Variants in NRXN1 observed in about 807,000 individuals in gnomAD.
The protein encoded by NRXN1 is neurexin 1.
In NRXN1, 39 loss-of-function variants were observed where a neutral mutation model predicts 150.9. The ratio of observed to expected loss-of-function variants is 0.26; its 90% CI spans 0.20 to 0.34. NRXN1 has a LOEUF of 0.34. Ranked by LOEUF, NRXN1 falls within the 10% of genes least tolerant of loss-of-function variation. The pLI, the probability that NRXN1 is intolerant of heterozygous loss-of-function variation, is 1.00. For synonymous variants in NRXN1, 924 were observed against 757.0 expected, an observed-to-expected ratio of 1.22 and a Z score of -3.62; for missense variants, 1,815 against 1,949.9, an observed-to-expected ratio of 0.93 and a Z score of 1.30.
At chr2:50,427,850 T>C (rs1307412397) in intron 17 of NRXN1, among the ~76,000 whole-genome samples, 1 of 152,220 alleles carries the variant, frequency 6.6e-6, no homozygotes, top group African/African-American at 2.4e-5. Context: ...TTTTGTCTTC[T>C]GCCATGTCCT....
At chr2:50,007,700 A>G (rs1330793051) in intron 21 of NRXN1, among the ~76,000 whole-genome samples, 1 of 152,108 alleles carries the variant, frequency 6.6e-6, no homozygotes, top group Admixed American at 6.6e-5. Context: ...ATACATGTGC[A>G]TGTGTCTTTT....
At chr2:50,624,156 A>C (rs1042762600) in intron 5 of NRXN1, among the ~76,000 whole-genome samples, 5 of 152,276 alleles carry the variant, frequency 3.3e-5, no homozygotes, top group African/African-American at 4.8e-5. Flanking sequence ...ATGTCCAACA[A>C]TGATAGACTG....
intron 17 of NRXN1, among the ~76,000 whole-genome samples, chr2:50,345,761 G>A (rs970982282): frequency 1.3e-5 from 2 of 152,176 alleles, no homozygotes; most frequent in Non-Finnish European, 2.9e-5. Flanking sequence ...AGGGCATTAG[G>A]AGAATAGTTT....
rs550761133 is a variant in NRXN1 at position 50,635,488 on chromosome 2, T to C, written c.833-11873A>G. ...GCGCCGAGCCAGATTAAATTCTTCTTGTCCCCTCTTTCTACCCTGCCAGTC... is the reference window on the plus strand; with the variant it reads ...GCGCCGAGCCAGATTAAATTCTTCTCGTCCCCTCTTTCTACCCTGCCAGTC... On this transcript the variant is annotated intron_variant, in intron 5 of 22. Coordinates refer to ENST00000401669, the MANE Select transcript of NRXN1 (RefSeq NM_001330078.2). Among the ~76,000 whole-genome samples the C allele has an allele frequency of 4.6e-5, 7 of 152,150 alleles. No homozygotes were observed. The South Asian group carries it at 1.5e-3, about 32-fold the overall frequency.
chr2:50,280,769 A>G (rs1346420054), intron 17 of NRXN1, among the ~76,000 whole-genome samples: 1 of 152,152 alleles, frequency 6.6e-6, no homozygotes, highest in African/African-American at 2.4e-5. Context: ...CCAAGTCCAA[A>G]GTGGACATAG....
chr2:49,953,845 A>G (rs2104478265), intron 21 of NRXN1, among the ~76,000 whole-genome samples: 1 of 151,664 alleles, frequency 6.6e-6, no homozygotes, highest in Admixed American at 6.6e-5. Context: ...ATCACACACC[A>G]CAGCCTGTCA....
intron 21 of NRXN1, 116 bp downstream of exon 21, chr2:50,053,155 G>A: frequency 2.0e-6 from 2 of 979,738 alleles, no homozygotes; most frequent in Non-Finnish European, 3.3e-6. Flanking sequence ...TTCAAAGGAA[G>A]CTGTAGTGCC....
intron 21 of NRXN1, among the ~76,000 whole-genome samples, chr2:49,944,525 G>A (rs978464897): frequency 7.2e-5 from 11 of 152,060 alleles, no homozygotes; most frequent in African/African-American, 1.7e-4. Flanking sequence ...GCTTCATTGC[G>A]CTTACAGCAA....
intron 21 of NRXN1, chr2:50,024,079 C>T (rs532111682): frequency 4.2e-4 from 64 of 152,228 alleles, no homozygotes; most frequent in African/African-American, 1.4e-3. Context: ...TCTGTTCTTC[C>T]AAGGAATTGT....
intron 17 of NRXN1, among the ~76,000 whole-genome samples, chr2:50,295,164 G>T (rs761368620): frequency 1.3e-5 from 2 of 152,070 alleles, no homozygotes; most frequent in African/African-American, 2.4e-5. Flanking sequence ...CTCCATTGAG[G>T]GTACAATAGC....
intron 18 of NRXN1, among the ~76,000 whole-genome samples, chr2:50,116,116 A>C (rs1159462935): frequency 6.6e-6 from 1 of 152,128 alleles, no homozygotes; most frequent in Non-Finnish European, 1.5e-5. Context: ...AAAACATGGC[A>C]GGCTGAAGGA....
chr2:50,457,543 T>C (rs1370404480), intron 17 of NRXN1, among the ~76,000 whole-genome samples: 2 of 151,988 alleles, frequency 1.3e-5, no homozygotes, highest in Non-Finnish European at 2.9e-5. Flanking sequence ...CTGGAGAAAA[T>C]ATTTGCAGAC....
intron 2 of NRXN1, among the ~76,000 whole-genome samples, chr2:51,001,851 C>T (rs1325435156): frequency 2.0e-5 from 3 of 151,806 alleles, no homozygotes; most frequent in Non-Finnish European, 4.4e-5. Context: ...TCCTGAAGCA[C>T]ATCACAAAAC....
intron 5 of NRXN1, among the ~76,000 whole-genome samples, chr2:50,827,110 T>C (rs1258772713): frequency 1.3e-5 from 2 of 152,294 alleles, no homozygotes; most frequent in African/African-American, 4.8e-5. Flanking sequence ...AGGACAGAAA[T>C]GTGATCACTG....
chr2:50,991,993 T>G (rs538485876), intron 2 of NRXN1, among the ~76,000 whole-genome samples: 1 of 152,126 alleles, frequency 6.6e-6, no homozygotes, highest in Non-Finnish European at 1.5e-5. Flanking sequence ...TGTGTACATA[T>G]GAATCTTTTC....
chr2:50,497,680 G>C lies in NRXN1; in HGVS notation c.2532C>G (p.Phe844Leu), dbSNP rs796052789. The C allele has an allele frequency of 2.5e-6, 4 of 1,613,466 alleles. No homozygotes were observed. Among genetic ancestry groups the C allele is most frequent in the Middle Eastern group, 1.6e-4 (1 of 6,082 alleles). The change falls in exon 14 of 23, where the codon TTC becomes TTG. Residue 844 changes from phenylalanine (F) to leucine (L), a missense_variant. Physicochemically the swap from Phe to Leu is conservative, Grantham distance 22. Coordinates refer to ENST00000401669, the MANE Select transcript of NRXN1 (RefSeq NM_001330078.2). The part of the protein sequence containing the change: ...QMAGDHTRLE[F>L]HNIETGIITE... ...TGATGATGCCAGTCTCTATGTTATG[G>C]AACTCCAGCCTAGTATGATCACCTG... is the stretch of plus-strand genomic sequence containing the variant.
At chr2:51,017,981 A>T (rs1558594731) in intron 2 of NRXN1, among the ~76,000 whole-genome samples, 1 of 152,106 alleles carries the variant, frequency 6.6e-6, no homozygotes, top group African/African-American at 2.4e-5. Flanking sequence ...ACTTAGAAGA[A>T]AAAACATGAG....
At chr2:51,010,717 C>T (rs1036612514) in intron 2 of NRXN1, among the ~76,000 whole-genome samples, 1 of 151,906 alleles carries the variant, frequency 6.6e-6, no homozygotes, top group Non-Finnish European at 1.5e-5. Flanking sequence ...CACACTCCAT[C>T]CAAAGATGCA....
intron 5 of NRXN1, among the ~76,000 whole-genome samples, chr2:50,850,655 C>A (rs72838782): frequency 0.034 from 5,143 of 152,198 alleles, 164 homozygotes; most frequent in East Asian, 0.079. Context: ...AGATTCATCA[C>A]CTTCATGCTT....
Sources: gnomAD v4.1 joint callset for allele counts (sites outside exome capture counted in the v4.1 genomes callset) on GRCh38, gnomAD v4.1.1 for gene constraint, MANE v1.5 for transcripts, NCBI Gene and HGNC (gene_info 2026-07-23, HGNC 2026-07-21) for gene names.